The following KALRN variants were observed in gnomAD, a reference collection of about 807,000 sequenced individuals.
KALRN encodes kalirin RhoGEF kinase.
In KALRN, 70 loss-of-function variants were observed where a neutral mutation model predicts 353.7. The observed-to-expected ratio is 0.20, with a 90% confidence interval of 0.16 to 0.24. The LOEUF is 0.24. KALRN is among the 10% of genes least tolerant of loss of function. The pLI, the probability that KALRN is intolerant of heterozygous loss-of-function variation, is 1.00. For synonymous variants in KALRN, 1,391 were observed against 1,434.8 expected (o/e 0.97, Z 0.69); for missense variants, 2,791 against 3,756.7 (o/e 0.74, Z 6.72).
At chr3:124,103,055 G>A (rs2062005413) in intron 1 of KALRN, among the ~76,000 whole-genome samples, 1 of 152,160 alleles carries the variant, frequency 6.6e-6, no homozygotes, top group African/African-American at 2.4e-5. Context: ...TCTAGGATGG[G>A]TTGCCCCCTC....
At chr3:124,435,813 CT>C (rs933874716) in intron 17 of KALRN, among the ~76,000 whole-genome samples, 16 of 151,270 alleles carry the variant, frequency 1.1e-4, no homozygotes, top group East Asian at 3.9e-4. Flanking sequence ...TCCCAGCAAG[CT>C]TTTTTTTTGT....
intron 10 of KALRN, among the ~76,000 whole-genome samples, chr3:124,364,435 G>C (rs1471063519): frequency 6.6e-6 from 1 of 152,196 alleles, no homozygotes; most frequent in Non-Finnish European, 1.5e-5. Context: ...GGGAGACTTT[G>C]ATCTCCTGCA....
intron 34 of KALRN, among the ~76,000 whole-genome samples, chr3:124,629,425 C>A (rs948194352): frequency 6.6e-6 from 1 of 152,196 alleles, no homozygotes; most frequent in African/African-American, 2.4e-5. Context: ...TCCCAGTAGT[C>A]TCATAATAAA....
chr3:124,495,955 G>GTATATATATATATATATATATATATA (rs1448727495), intron 32 of KALRN, among the ~76,000 whole-genome samples: 1 of 27,464 alleles, frequency 3.6e-5, no homozygotes, highest in Non-Finnish European at 6.2e-5. Context: ...GTGTGTGTAT[G>GTATATATATATATATATATATATATA]TGTATGTATG....
chr3:124,034,513 A>T (rs1321937401), intron 1 of KALRN, among the ~76,000 whole-genome samples: 2 of 151,982 alleles, frequency 1.3e-5, no homozygotes, highest in Non-Finnish European at 2.9e-5. Context: ...CCTCTCATAC[A>T]CACCCACTAA....
intron 1 of KALRN, among the ~76,000 whole-genome samples, chr3:124,043,770 T>C (rs2040178874): frequency 6.6e-6 from 1 of 152,070 alleles, no homozygotes; most frequent in Non-Finnish European, 1.5e-5. Flanking sequence ...TAGCAATCCG[T>C]TTAAAAGTGC....
intron 51 of KALRN, among the ~76,000 whole-genome samples, chr3:124,692,171 G>A (rs900839371): frequency 6.6e-5 from 10 of 152,228 alleles, no homozygotes; most frequent in Admixed American, 6.5e-5. Flanking sequence ...AGCCTCTCGT[G>A]TTTTTAAGGC....
intron 5 of KALRN, among the ~76,000 whole-genome samples, chr3:124,288,869 G>T (rs914361896): frequency 1.3e-5 from 2 of 152,102 alleles, no homozygotes; most frequent in Non-Finnish European, 2.9e-5. Flanking sequence ...GCGAAGATGT[G>T]GGAAGGCAGG....
intron 1 of KALRN, among the ~76,000 whole-genome samples, chr3:124,223,302 G>C (rs913797045): frequency 6.6e-5 from 10 of 152,042 alleles, no homozygotes; most frequent in Non-Finnish European, 1.5e-4. Context: ...CCTAACTAGG[G>C]TCCAGCCAAA....
chr3:124,281,407 G>T (rs574519205), intron 5 of KALRN, among the ~76,000 whole-genome samples: 1 of 152,166 alleles, frequency 6.6e-6, no homozygotes, highest in Admixed American at 6.5e-5. Flanking sequence ...GTGGCAAGAG[G>T]GGGTACAAAC....
intron 27 of KALRN, among the ~76,000 whole-genome samples, chr3:124,478,807 G>A (rs2061673248): frequency 6.6e-6 from 1 of 152,108 alleles, no homozygotes; most frequent in African/African-American, 2.4e-5. Flanking sequence ...TGACATACAT[G>A]TCCTGTGCTC....
At chr3:124,617,721 T>A (rs2078776904) in intron 34 of KALRN, among the ~76,000 whole-genome samples, 1 of 151,836 alleles carries the variant, frequency 6.6e-6, no homozygotes, top group Non-Finnish European at 1.5e-5. Flanking sequence ...AGCTCTGGAG[T>A]AGGGCCCAAG....
At chr3:124,659,215 C>T in intron 42 of KALRN, 150 bp from the exon 43 acceptor site, 1 of 659,880 alleles carries the variant, frequency 1.5e-6, no homozygotes, top group South Asian at 1.7e-5. Flanking sequence ...GTGAACAGTC[C>T]TCTAGGCAAT....
chr3:124,251,887 A>G (rs897379617), intron 3 of KALRN, among the ~76,000 whole-genome samples: 1 of 152,074 alleles, frequency 6.6e-6, no homozygotes, highest in Admixed American at 6.6e-5. Context: ...AGAAACCACC[A>G]CATCCCTGTT....
At chr3:124,048,607 G>A (rs1454206787) in intron 1 of KALRN, among the ~76,000 whole-genome samples, 1 of 151,724 alleles carries the variant, frequency 6.6e-6, no homozygotes, top group Non-Finnish European at 1.5e-5. Context: ...TCAGCCTCCC[G>A]AGTAGCTGGG....
At chr3:124,486,412 T>C (rs141124076) in intron 28 of KALRN, among the ~76,000 whole-genome samples, 228 of 152,262 alleles carry the variant, frequency 1.5e-3, no homozygotes, top group African/African-American at 5.3e-3. Context: ...GAACTTTAGG[T>C]TGGCAGAAGT....
chr3:124,382,750 A>G (rs1207079716), intron 10 of KALRN, among the ~76,000 whole-genome samples: 2 of 152,186 alleles, frequency 1.3e-5, no homozygotes, highest in African/African-American at 2.4e-5. Flanking sequence ...AAGGTGGACA[A>G]TTTGAGGGAT....
At chr3:124,146,400 T>G (rs2067327531) in intron 1 of KALRN, among the ~76,000 whole-genome samples, 1 of 152,202 alleles carries the variant, frequency 6.6e-6, no homozygotes, top group Admixed American at 6.5e-5. Context: ...GTAATTCATT[T>G]TCATTATAGT....
At chr3:124,206,303 TGAGAA>T (rs1386358728) in intron 1 of KALRN, among the ~76,000 whole-genome samples, 8 of 152,128 alleles carry the variant, frequency 5.3e-5, no homozygotes, top group Non-Finnish European at 1.2e-4. Context: ...CGAGGATAGA[TGAGAA>T]GAGAGAATGT....
Sources: gnomAD v4.1 joint callset for allele counts (sites outside exome capture counted in the v4.1 genomes callset) on GRCh38, gnomAD v4.1.1 for gene constraint, MANE v1.5 for transcripts, NCBI Gene and HGNC (gene_info 2026-07-23, HGNC 2026-07-21) for gene names.